ZNF512: variants seen among roughly 807,000 people sequenced by gnomAD.
ZNF512 encodes the protein zinc finger protein 512.
ZNF512 carries 25 observed loss-of-function variants against 77.5 expected under a neutral mutation model. That is an observed-to-expected ratio of 0.32 (90% CI 0.23 to 0.45). The LOEUF (loss-of-function observed/expected upper bound fraction) is 0.45, where lower values mean the gene tolerates loss of function less well. Among genes scored for constraint, ZNF512 ranks in the 20% least tolerant of loss-of-function variants. The pLI, the probability that ZNF512 is intolerant of heterozygous loss-of-function variation, is 1.00. For synonymous variants in ZNF512, 246 were observed against 239.9 expected (o/e 1.03, Z -0.24); for missense variants, 483 against 692.6 (o/e 0.70, Z 3.40).
At chr2:27,588,704 T>C (rs1302812939) in intron 2 of ZNF512, among the ~76,000 whole-genome samples, 1 of 152,032 alleles carries the variant, frequency 6.6e-6, no homozygotes, top group Non-Finnish European at 1.5e-5. Flanking sequence ...TCTCAGTTCT[T>C]TGCGTTTTTA....
At chr2:27,590,966 A>G (rs1441065109) in intron 2 of ZNF512, among the ~76,000 whole-genome samples, 2 of 152,098 alleles carry the variant, frequency 1.3e-5, no homozygotes, top group African/African-American at 4.8e-5. Flanking sequence ...TTCTTAGGAT[A>G]TTTTCACTGA....
chr2:27,604,463 G>A (rs191011633), intron 9 of ZNF512, among the ~76,000 whole-genome samples: 2 of 90,562 alleles, frequency 2.2e-5, no homozygotes, highest in African/African-American at 5.5e-5. Flanking sequence ...CATGTATACA[G>A]TCATGTAACC....
rs767964486 is a variant in ZNF512, at chr2:27,610,568, A to AT, written c.1131+2561dup. Among the ~76,000 whole-genome samples the AT allele has an allele frequency of 6.4e-3, 116 of 18,184 alleles. 23 individuals are homozygous for AT. Among genetic ancestry groups the AT allele is most frequent in the Non-Finnish European group, 9.1e-3 (78 of 8,548 alleles). The allele number at this position is 18,184 out of a possible 152,430, so 11.9% of individuals were successfully genotyped here. On this transcript the variant is annotated intron_variant, in intron 10 of 13. Transcript: ENST00000355467. ...TGTATATATATATATATATATATAT[A>AT]TTTTTTTTTTTTTTTTTTTTTTTTT...
At chr2:27,612,463 G>T (rs1445512357) in intron 10 of ZNF512, among the ~76,000 whole-genome samples, 1 of 151,742 alleles carries the variant, frequency 6.6e-6, no homozygotes, top group African/African-American at 2.4e-5. Flanking sequence ...GGATATAAAG[G>T]CATGTATAGT....
intron 9 of ZNF512, among the ~76,000 whole-genome samples, chr2:27,603,586 G>GTGTGTGTGTGTGTGTGTGTA (rs140043162): frequency 2.8e-5 from 2 of 72,488 alleles, no homozygotes; most frequent in African/African-American, 1.2e-4. Context: ...GTGTGTGTGT[G>GTGTGTGTGTGTGTGTGTGTA]TATATTTTTT....
In ZNF512 at chr2:27,601,420, T is replaced by A; in HGVS notation, c.647T>A (p.Val216Asp). ...TCACTGGCAGGGATGAAGTATCATG[T>A]CATGGCAAATCATAATAGTTTGGTA... is the stretch of plus-strand genomic sequence containing the variant. ...LRSLAGMKYH[V>D]MANHNSLPIL... is the part of the protein sequence containing the mutation. The change falls in exon 7 of 14, where the codon GTC becomes GAC. Residue 216 changes from valine to aspartate, a missense_variant. Val to Asp is a radical substitution (Grantham distance 152, BLOSUM62 -3). Transcript: ENST00000355467. The A allele has an allele frequency of 6.2e-7, 1 of 1,613,920 alleles. No individual in the cohort carries two copies. The highest frequency in any genetic ancestry group is 8.5e-7 in the Non-Finnish European group (1 of 1,179,894).
chr2:27,604,762 G>A (rs1180527311), intron 9 of ZNF512, among the ~76,000 whole-genome samples: 1 of 152,212 alleles, frequency 6.6e-6, no homozygotes, highest in Non-Finnish European at 1.5e-5. Context: ...CTGGGTGACA[G>A]AGTGAGACTC....
chr2:27,622,720 C>T lies in ZNF512; in HGVS notation c.*1259C>T, dbSNP rs1347265742. 1 of 152,696 alleles carries T rather than the reference C, an allele frequency of 6.5e-6. No individual in the cohort carries two copies. Among genetic ancestry groups the T allele is most frequent in the Non-Finnish European group, 1.5e-5 (1 of 68,026 alleles). The allele number at this position is 152,696 out of a possible 1,614,324, so 9.5% of individuals were successfully genotyped here. ...TAAATATTGGTCTTATATATTCTTGCCTATTTTGTGGCATATGCCACATAA... is the reference window on the plus strand; with the variant it reads ...TAAATATTGGTCTTATATATTCTTGTCTATTTTGTGGCATATGCCACATAA... On this transcript the variant is annotated 3_prime_UTR_variant, in exon 14 of 14. Transcript: ENST00000355467.
chr2:27,616,131 T>C (rs961081576), intron 11 of ZNF512, 131 bp from the exon 12 acceptor site: 4 of 611,320 alleles, frequency 6.5e-6, no homozygotes, highest in African/African-American at 1.9e-5. Context: ...ATATTCTTTT[T>C]TCGTTTGTTT....
chr2:27,612,676 A>C (rs1406691363), intron 10 of ZNF512, among the ~76,000 whole-genome samples: 1 of 152,192 alleles, frequency 6.6e-6, no homozygotes, highest in South Asian at 2.1e-4. Flanking sequence ...ACTCAATTCT[A>C]GTAGTATATA....
At chr2:27,607,744 T>C (rs1672435963) in intron 9 of ZNF512, 101 bp from the exon 10 acceptor site, 3 of 1,093,862 alleles carry the variant, frequency 2.7e-6, no homozygotes, top group East Asian at 2.4e-5. Context: ...ATCTACTACA[T>C]AGCTCTTTTG....
chr2:27,596,482 A>C (rs1459267013), intron 2 of ZNF512, among the ~76,000 whole-genome samples: 1 of 152,112 alleles, frequency 6.6e-6, no homozygotes, highest in Non-Finnish European at 1.5e-5. Context: ...TTTACCTGGT[A>C]AGAAAGAAGG....
intron 9 of ZNF512, among the ~76,000 whole-genome samples, chr2:27,607,510 G>A (rs1249877649): frequency 6.6e-6 from 1 of 152,080 alleles, no homozygotes; most frequent in African/African-American, 2.4e-5. Context: ...TGGGACTACA[G>A]GCGTGTGCCA....
At chr2:27,614,373 A>C (rs757541828) in intron 10 of ZNF512, among the ~76,000 whole-genome samples, 1 of 152,252 alleles carries the variant, frequency 6.6e-6, no homozygotes, top group African/African-American at 2.4e-5. Context: ...CTTTTGAAGT[A>C]TAAGCAGATA....
intron 2 of ZNF512, among the ~76,000 whole-genome samples, chr2:27,590,883 C>A (rs1022898619): frequency 6.6e-6 from 1 of 152,134 alleles, no homozygotes; most frequent in Non-Finnish European, 1.5e-5. Context: ...TATTATTTTT[C>A]TTCAGCTGGA....
intron 2 of ZNF512, among the ~76,000 whole-genome samples, chr2:27,595,377 T>A (rs1379656988): frequency 6.7e-6 from 1 of 148,966 alleles, no homozygotes; most frequent in African/African-American, 2.5e-5. Flanking sequence ...CTCTGCTCAC[T>A]GCAGCGGCGC....
chr2:27,586,213 C>A (rs1252574336), intron 2 of ZNF512, among the ~76,000 whole-genome samples: 2 of 103,554 alleles, frequency 1.9e-5, no homozygotes, highest in African/African-American at 8.0e-5. Context: ...ACCATCAAGT[C>A]TTTGTTGTTG....
intron 10 of ZNF512, among the ~76,000 whole-genome samples, chr2:27,610,562 ATATATATTTTTTTTT>A (rs1361766611): frequency 3.4e-5 from 1 of 29,754 alleles, no homozygotes; most frequent in Non-Finnish European, 6.8e-5. Flanking sequence ...ATATATATAT[ATATATATTTTTTTTT>A]TTTTTTTTTT....
intron 2 of ZNF512, among the ~76,000 whole-genome samples, chr2:27,595,346 G>A (rs2148013193): frequency 6.7e-6 from 1 of 149,638 alleles, no homozygotes; most frequent in East Asian, 2.0e-4. Flanking sequence ...TGTCGCCCAG[G>A]CTGGAGTGCA....
Sources: allele counts gnomAD v4.1 joint callset (sites outside exome capture counted in the v4.1 genomes callset), GRCh38; gene constraint gnomAD v4.1.1; transcripts MANE v1.5; gene names NCBI Gene and HGNC (gene_info 2026-07-23, HGNC 2026-07-21).